MBD5: variants seen among roughly 807,000 people sequenced by gnomAD.
The protein encoded by MBD5 is methyl-CpG-binding domain protein 5.
In MBD5, 13 loss-of-function variants were observed where a neutral mutation model predicts 117.3. The ratio of observed to expected loss-of-function variants is 0.11; its 90% confidence interval spans 0.07 to 0.18. The LOEUF (loss-of-function observed/expected upper bound fraction) is 0.18, where lower values mean the gene tolerates loss of function less well. Among genes scored for constraint, MBD5 ranks in the 10% least tolerant of loss-of-function variants. MBD5 has a pLI of 1.00. For missense variants in MBD5, 1,879 were observed against 2,093.8 expected, an observed-to-expected ratio of 0.90 and a Z score of 2.00; for synonymous variants, 727 against 766.4, an observed-to-expected ratio of 0.95 and a Z score of 0.85.
intron 3 of MBD5, among the ~76,000 whole-genome samples, chr2:148,335,147 G>T (rs966491099): frequency 6.6e-6 from 1 of 152,036 alleles, no homozygotes; most frequent in African/African-American, 2.4e-5. Flanking sequence ...CTAGCACTTT[G>T]ATAGGCCAAG....
In MBD5 at chr2:148,490,473, G is replaced by A; in HGVS notation, c.4841G>A (p.Arg1614Lys). The A allele has an allele frequency of 6.2e-7, 1 of 1,614,198 alleles. No homozygotes were observed. The highest frequency in any genetic ancestry group is 8.5e-7 in the Non-Finnish European group (1 of 1,180,044). The change falls in exon 11 of 14, where the codon AGG (arginine) becomes AAG (lysine). Residue 1614 changes from arginine (R) to lysine (K), a missense_variant. Arg to Lys is a conservative substitution (Grantham distance 26, BLOSUM62 2). Transcript: ENST00000642680. ...SSNELIHYRP[R>K]TFNVGDLVWG... Reference sequence around the variant, plus strand: ...AATGAATTGATACATTATAGACCAAGGACGTTCAATGTTGGCGACTTGGTC... The same window carrying A: ...AATGAATTGATACATTATAGACCAAAGACGTTCAATGTTGGCGACTTGGTC...
At chr2:148,363,714 G>C (rs1051096595) in intron 4 of MBD5, among the ~76,000 whole-genome samples, 3 of 152,018 alleles carry the variant, frequency 2.0e-5, no homozygotes, top group African/African-American at 7.2e-5. Context: ...AGTATCAATA[G>C]CTGAATCAAT....
At chr2:148,152,491 C>T (rs1157785604) in intron 1 of MBD5, among the ~76,000 whole-genome samples, 2 of 151,686 alleles carry the variant, frequency 1.3e-5, no homozygotes, top group East Asian at 3.9e-4. Context: ...TCCTGGGTAT[C>T]CTTGTTGACT....
intron 1 of MBD5, among the ~76,000 whole-genome samples, chr2:148,174,497 A>G (rs1437114573): frequency 2.0e-5 from 3 of 152,140 alleles, no homozygotes; most frequent in Admixed American, 6.5e-5. Context: ...AAAAGAAACA[A>G]TGTACAGAGA....
intron 2 of MBD5, among the ~76,000 whole-genome samples, chr2:148,195,560 T>C (rs916270168): frequency 6.6e-6 from 1 of 152,160 alleles, no homozygotes; most frequent in African/African-American, 2.4e-5. Flanking sequence ...CTGACCGAAT[T>C]GACATTTGTA....
intron 3 of MBD5, among the ~76,000 whole-genome samples, chr2:148,256,801 T>A (rs1183184964): frequency 1.3e-5 from 2 of 152,208 alleles, no homozygotes; most frequent in Non-Finnish European, 1.5e-5. Flanking sequence ...TCAGGCCCCA[T>A]GGCCTTAGGC....
intron 3 of MBD5, among the ~76,000 whole-genome samples, chr2:148,268,331 C>A (rs1700907196): frequency 6.6e-6 from 1 of 152,128 alleles, no homozygotes; most frequent in African/African-American, 2.4e-5. Context: ...ATCCCCCCAC[C>A]CAGGCCTCCC....
intron 4 of MBD5, among the ~76,000 whole-genome samples, chr2:148,434,338 C>T (rs892213191): frequency 6.6e-6 from 1 of 151,814 alleles, no homozygotes; most frequent in African/African-American, 2.4e-5. Flanking sequence ...TGGATTCGTT[C>T]GTATTTTGTA....
chr2:148,232,502 C>T (rs760686956), intron 2 of MBD5, among the ~76,000 whole-genome samples: 15 of 151,666 alleles, frequency 9.9e-5, no homozygotes, highest in Non-Finnish European at 2.1e-4. Flanking sequence ...TTCAAGAAAG[C>T]GTCTCACTGT....
intron 3 of MBD5, among the ~76,000 whole-genome samples, chr2:148,262,488 A>T (rs1700754656): frequency 6.6e-6 from 1 of 152,178 alleles, no homozygotes. Flanking sequence ...CAAGAGCTTT[A>T]TGTTCATTCA....
intron 3 of MBD5, among the ~76,000 whole-genome samples, chr2:148,284,033 A>G (rs919355529): frequency 6.6e-6 from 1 of 152,202 alleles, no homozygotes; most frequent in Non-Finnish European, 1.5e-5. Context: ...ACACAAATAT[A>G]ACAACATAGA....
chr2:148,148,583 A>C (rs941755192), intron 1 of MBD5, among the ~76,000 whole-genome samples: 1 of 152,050 alleles, frequency 6.6e-6, no homozygotes, highest in Non-Finnish European at 1.5e-5. Context: ...CCTGGGAATT[A>C]TTTTTCCTTT....
At chr2:148,474,535 A>T (rs1005529697) in intron 8 of MBD5, among the ~76,000 whole-genome samples, 7 of 152,164 alleles carry the variant, frequency 4.6e-5, no homozygotes, top group African/African-American at 7.2e-5. Context: ...TTTTCCTAAA[A>T]AAAAACCAAA....
At chr2:148,510,835 G>T (rs1682193594) in intron 13 of MBD5, among the ~76,000 whole-genome samples, 1 of 152,174 alleles carries the variant, frequency 6.6e-6, no homozygotes. Flanking sequence ...TCGCAGATGG[G>T]TGAATTGAAG....
intron 2 of MBD5, among the ~76,000 whole-genome samples, chr2:148,196,827 G>A (rs940133482): frequency 6.6e-6 from 1 of 151,750 alleles, no homozygotes; most frequent in Non-Finnish European, 1.5e-5. Context: ...ATAAGCAAAG[G>A]GAGTGGGGGT....
chr2:148,032,645 C>T (rs1694072906), intron 1 of MBD5, among the ~76,000 whole-genome samples: 1 of 152,110 alleles, frequency 6.6e-6, no homozygotes, highest in Admixed American at 6.5e-5. Flanking sequence ...GTAGGCCAAG[C>T]TTTCCTTTAT....
At chr2:148,335,065 TG>T (rs1348845869) in intron 3 of MBD5, among the ~76,000 whole-genome samples, 1 of 152,174 alleles carries the variant, frequency 6.6e-6, no homozygotes, top group African/African-American at 2.4e-5. Context: ...TTAGGACATA[TG>T]ATAAGATGAT....
chr2:148,507,655 G>A (rs891323552), intron 12 of MBD5, among the ~76,000 whole-genome samples: 1 of 151,982 alleles, frequency 6.6e-6, no homozygotes, highest in African/African-American at 2.4e-5. Context: ...GCTACTCGAG[G>A]GGGCTGAGAC....
chr2:148,046,129 G>T (rs529272470), intron 1 of MBD5, among the ~76,000 whole-genome samples: 1 of 151,746 alleles, frequency 6.6e-6, no homozygotes, highest in Non-Finnish European at 1.5e-5. Flanking sequence ...GACTACAGGC[G>T]TGTGCCATCA....
Sources: gnomAD v4.1 joint callset for allele counts (sites outside exome capture counted in the v4.1 genomes callset) on GRCh38, gnomAD v4.1.1 for gene constraint, MANE v1.5 for transcripts, NCBI Gene and HGNC (gene_info 2026-07-23, HGNC 2026-07-21) for gene names.